HYDIN: variants seen among roughly 807,000 people sequenced by gnomAD.
The protein encoded by HYDIN is HYDIN axonemal central pair apparatus protein.
In HYDIN, 132 loss-of-function variants were observed where a neutral mutation model predicts 403.9. The observed-to-expected ratio is 0.33, with a 90% CI of 0.28 to 0.38. HYDIN has a LOEUF of 0.38. Ranked by LOEUF, HYDIN falls within the 10% of genes least tolerant of loss-of-function variation. HYDIN has a pLI of 1.00. For synonymous variants in HYDIN, 1,202 were observed against 1,891.7 expected, an observed-to-expected ratio of 0.64 and a Z score of 9.46; for missense variants, 2,827 against 5,009.5, an observed-to-expected ratio of 0.56 and a Z score of 13.15.
chr16:71,223,604 A>C (rs1227674336), intron 1 of HYDIN, among the ~76,000 whole-genome samples: 2 of 150,596 alleles, frequency 1.3e-5, no homozygotes, highest in East Asian at 3.9e-4. Context: ...TCCGGAATCT[A>C]CAAGGAGCTC....
At chr16:71,151,117 G>A (rs1021758205) in intron 7 of HYDIN, among the ~76,000 whole-genome samples, 3 of 152,148 alleles carry the variant, frequency 2.0e-5, no homozygotes, top group African/African-American at 7.2e-5. Context: ...CAACTATCTT[G>A]GAAAACTGAT....
At chr16:71,209,990 CTATCA>C (rs1567456148) in intron 1 of HYDIN, among the ~76,000 whole-genome samples, 2 of 152,166 alleles carry the variant, frequency 1.3e-5, no homozygotes, top group East Asian at 3.8e-4. Flanking sequence ...AGTGCTATTC[CTATCA>C]TACTAGCGGT....
At chr16:70,857,937 A>G (rs2039132679) in intron 71 of HYDIN, 67 bp from the exon 72 acceptor site, 1 of 1,362,348 alleles carries the variant, frequency 7.3e-7, no homozygotes, top group Admixed American at 2.8e-5. Flanking sequence ...ATGTCCCTGG[A>G]GACTTGTCAG....
intron 53 of HYDIN, among the ~76,000 whole-genome samples, chr16:70,899,593 T>A (rs2076304518): frequency 1.3e-5 from 2 of 152,188 alleles, no homozygotes; most frequent in African/African-American, 4.8e-5. Flanking sequence ...ACCCAGTATA[T>A]GCTAATTTGT....
intron 18 of HYDIN, among the ~76,000 whole-genome samples, chr16:71,052,349 G>T (rs1219800439): frequency 6.6e-6 from 1 of 151,754 alleles, no homozygotes; most frequent in Admixed American, 6.6e-5. Context: ...CACATATTAA[G>T]TCTGAAGTAT....
At chr16:70,946,485 T>A (rs1347589017) in intron 41 of HYDIN, among the ~76,000 whole-genome samples, 1 of 152,114 alleles carries the variant, frequency 6.6e-6, no homozygotes, top group Non-Finnish European at 1.5e-5. Flanking sequence ...CCAGCTATGT[T>A]CAGCTGGTCT....
rs1358130241 is a variant in HYDIN at position 71,115,679 on chromosome 16, T to G, written c.1327+17A>C. Reference sequence around the variant, plus strand: ...GTGCCTGGTAACCTGAGTTTACCACTTGGAGGAGGTCACTACCTAAAATGT... The same window carrying G: ...GTGCCTGGTAACCTGAGTTTACCACGTGGAGGAGGTCACTACCTAAAATGT... On this transcript the variant is annotated intron_variant, in intron 10 of 85. Coordinates refer to ENST00000393567, the MANE Select transcript of HYDIN (RefSeq NM_001270974.2). The G allele has an allele frequency of 7.1e-6, 6 of 845,970 alleles. No individual in the cohort carries two copies. The highest frequency in any genetic ancestry group is 4.5e-4 in the Middle Eastern group (2 of 4,426). The allele number at this position is 845,970 out of a possible 1,614,324, so 52.4% of individuals were successfully genotyped here.
At chr16:71,208,398 C>G (rs941134149) in intron 1 of HYDIN, among the ~76,000 whole-genome samples, 1 of 152,266 alleles carries the variant, frequency 6.6e-6, no homozygotes, top group Middle Eastern at 3.4e-3. Context: ...CTCTGGGAAA[C>G]AGCTAAGGCA....
intron 35 of HYDIN, among the ~76,000 whole-genome samples, chr16:70,972,808 T>A (rs1343174373): frequency 6.6e-6 from 1 of 152,272 alleles, no homozygotes; most frequent in African/African-American, 2.4e-5. Context: ...GCAGGTCCCC[T>A]GTAATCAAAC....
intron 18 of HYDIN, among the ~76,000 whole-genome samples, chr16:71,059,511 T>G (rs1424077577): frequency 6.6e-6 from 1 of 151,966 alleles, no homozygotes; most frequent in East Asian, 1.9e-4. Flanking sequence ...TGGAATGAAA[T>G]CATGTCCTTT....
chr16:71,027,395 T>A, intron 20 of HYDIN: 1 of 1,448,338 alleles, frequency 6.9e-7, no homozygotes, highest in African/African-American at 1.4e-5. Context: ...AAGATTGGGT[T>A]CACAGTAGCT....
In HYDIN at chr16:70,981,659, C is replaced by T. The variant is rs2079049629; in HGVS notation, c.4333-91G>A. On this transcript the variant is annotated intron_variant, in intron 28 of 85. Coordinates refer to ENST00000393567, the MANE Select transcript of HYDIN (RefSeq NM_001270974.2). ...TTACTTAAAACAACAACAACAATGA[C>T]AAAGTAAACCTAAAAAAAGAAGGAA... is the stretch of plus-strand genomic sequence containing the variant. 2.8e-6 allele frequency: 4 copies of T among 1,423,288 alleles called. No individual in the cohort carries two copies. In the South Asian group the frequency reaches 5.6e-5, roughly 20 times the overall value. 88.2% of individuals were successfully genotyped at this position (1,423,288 alleles called of 1,614,324 possible). A position where few individuals can be genotyped will look rare whatever the true frequency, so the allele number is the denominator to read the frequency against.
In HYDIN at chr16:70,804,665, G is replaced by C. The variant is rs1026680908; in HGVS notation, c.*2915C>G. On this transcript the variant is annotated 3_prime_UTR_variant, in exon 86 of 86. Coordinates refer to ENST00000393567, the MANE Select transcript of HYDIN (RefSeq NM_001270974.2). The stretch of plus-strand genomic sequence containing the variant: ...TAATGTTCAAGTTGTTATCTCCAGA[G>C]CATTGAGGGGAACTATGATCTTTAG... 2.0e-5 allele frequency among the ~76,000 whole-genome samples: 3 copies of C among 152,234 alleles called. No individual in the cohort carries two copies. Among genetic ancestry groups the C allele is most frequent in the African/African-American group, 7.2e-5 (3 of 41,450 alleles).
intron 13 of HYDIN, among the ~76,000 whole-genome samples, chr16:71,071,157 A>G (rs1512607): frequency 0.46 from 63,817 of 138,036 alleles, 17,052 homozygotes; most frequent in East Asian, 0.73. Context: ...CGTATTATGG[A>G]AAGTGGGTAT....
chr16:70,819,454 G>T (rs2036082461), intron 83 of HYDIN, among the ~76,000 whole-genome samples: 1 of 149,462 alleles, frequency 6.7e-6, no homozygotes. Flanking sequence ...GCAAACTCAA[G>T]TATCTTGCCC....
chr16:70,934,195 T>C (rs1597360246), intron 45 of HYDIN, among the ~76,000 whole-genome samples: 1 of 150,298 alleles, frequency 6.7e-6, no homozygotes, highest in Non-Finnish European at 1.5e-5. Flanking sequence ...TTCGAGGGAG[T>C]GGTGGAGACA....
intron 21 of HYDIN, 78 bp from the exon 22 acceptor site, chr16:71,020,395 T>C: frequency 1.3e-6 from 2 of 1,518,164 alleles, no homozygotes; most frequent in South Asian, 1.3e-5. Context: ...CTCAGGTTCA[T>C]TGTTTAGAAC....
intron 25 of HYDIN, among the ~76,000 whole-genome samples, chr16:70,990,613 T>G (rs1371561430): frequency 1.3e-5 from 2 of 151,944 alleles, no homozygotes; most frequent in Non-Finnish European, 2.9e-5. Flanking sequence ...AGTATTGCCT[T>G]GTGCAGATGT....
At chr16:71,048,304 T>C (rs1442905958) in intron 18 of HYDIN, among the ~76,000 whole-genome samples, 2 of 143,354 alleles carry the variant, frequency 1.4e-5, no homozygotes, top group Non-Finnish European at 3.1e-5. Context: ...AGTAAGAATG[T>C]GGGTGCAGCC....
Sources: gnomAD v4.1 joint callset for allele counts (sites outside exome capture counted in the v4.1 genomes callset) on GRCh38, gnomAD v4.1.1 for gene constraint, MANE v1.5 for transcripts, NCBI Gene and HGNC (gene_info 2026-07-23, HGNC 2026-07-21) for gene names.